The following PCDHA9 variants were observed in gnomAD, a reference collection of about 807,000 sequenced individuals.
The protein encoded by PCDHA9 is protocadherin alpha-9.
A neutral mutation model predicts 62.0 loss-of-function variants in PCDHA9; 62 were observed. That is an observed-to-expected ratio of 1.00 (90% CI 0.81 to 1.23). The LOEUF is 1.23. Among genes scored for constraint, PCDHA9 ranks in the 50% most tolerant of loss-of-function variants. The pLI is 0.00. For synonymous variants in PCDHA9, 557 were observed against 567.6 expected (o/e 0.98, Z 0.27); for missense variants, 1,205 against 1,249.8 (o/e 0.96, Z 0.54).
At position 140,851,036 on chromosome 5, in the gene PCDHA9, T is replaced by A; in HGVS notation, c.2394+147T>A. On this transcript the variant is annotated intron_variant, in intron 1 of 3. Coordinates refer to ENST00000532602, the MANE Select transcript of PCDHA9 (RefSeq NM_031857.2). ...TTCTGATAAAGTAAACCCCTTAACA[T>A]TGGAGCCGACTTTGTCTTGACTTCT... 2 of 1,401,900 alleles carry A rather than the reference T, an allele frequency of 1.4e-6. 1 individual carries two copies. The highest frequency in any genetic ancestry group is 1.9e-6 in the Non-Finnish European group (2 of 1,068,406). The allele number at this position is 1,401,900 out of a possible 1,614,324, so 86.8% of individuals were successfully genotyped here.
At position 140,980,488 on chromosome 5, in the gene PCDHA9, G is replaced by A. The variant is rs372283383; in HGVS notation, c.2453+1481G>A. Among the ~76,000 whole-genome samples, 12 of 152,250 alleles carry A rather than the reference G, an allele frequency of 7.9e-5. No individual in the cohort carries two copies. The East Asian group carries it at 1.9e-3, about 25-fold the overall frequency. Reference sequence around the variant, plus strand: ...CTACTAAAAATACAAAAATTAGCTGGGCGTGATGGCATGTGCCTGTAGTTC... The same window carrying A: ...CTACTAAAAATACAAAAATTAGCTGAGCGTGATGGCATGTGCCTGTAGTTC... On this transcript the variant is annotated intron_variant, in intron 2 of 3. Transcript: ENST00000532602.
At chr5:140,997,572 G>T (rs1457109655) in intron 3 of PCDHA9, among the ~76,000 whole-genome samples, 1 of 152,068 alleles carries the variant, frequency 6.6e-6, no homozygotes, top group Non-Finnish European at 1.5e-5. Context: ...CATATGTGTG[G>T]TCCGTTGTTG....
intron 1 of PCDHA9, among the ~76,000 whole-genome samples, chr5:140,885,108 T>C (rs986059469): frequency 6.6e-6 from 1 of 152,226 alleles, no homozygotes; most frequent in Non-Finnish European, 1.5e-5. Flanking sequence ...AAATGCTTTT[T>C]TTAAGTGCAC....
In PCDHA9 at chr5:140,858,410, T is replaced by C; in HGVS notation, c.2394+7521T>C. ...GGTAGATGTGGACGGGGAAGATCAG[T>C]CTATTGGAGGGGACCACTCTAGGAA... On this transcript the variant is annotated intron_variant, in intron 1 of 3. Transcript: ENST00000532602. 7.7e-6 allele frequency: 12 copies of C among 1,565,560 alleles called. 2 individuals are homozygous for C. The highest frequency in any genetic ancestry group is 1.0e-5 in the Non-Finnish European group (12 of 1,147,708).
intron 3 of PCDHA9, among the ~76,000 whole-genome samples, chr5:140,987,622 TAGATG>T (rs1554249376): frequency 2.6e-5 from 4 of 152,328 alleles, no homozygotes; most frequent in African/African-American, 9.6e-5. Flanking sequence ...TTGGAAGAAT[TAGATG>T]AGATAATGCA....
At chr5:140,938,538 AT>A (rs1278860544) in intron 1 of PCDHA9, among the ~76,000 whole-genome samples, 1 of 135,490 alleles carries the variant, frequency 7.4e-6, no homozygotes, top group Non-Finnish European at 1.6e-5. Context: ...GATAATATGG[AT>A]TTTTATCCTT....
intron 1 of PCDHA9, among the ~76,000 whole-genome samples, chr5:140,969,759 T>C (rs576118722): frequency 1.3e-5 from 2 of 152,338 alleles, no homozygotes; most frequent in African/African-American, 4.8e-5. Flanking sequence ...CTTAAAAAGC[T>C]CTGAGGCCTC....
intron 2 of PCDHA9, among the ~76,000 whole-genome samples, chr5:140,979,246 C>A (rs944063929): frequency 2.0e-5 from 3 of 152,206 alleles, no homozygotes; most frequent in African/African-American, 7.2e-5. Context: ...AAACAGGCTG[C>A]TATGTATTTT....
At chr5:140,981,666 C>CT (rs1430989347) in intron 2 of PCDHA9, among the ~76,000 whole-genome samples, 8 of 152,058 alleles carry the variant, frequency 5.3e-5, no homozygotes, top group Non-Finnish European at 1.0e-4. Flanking sequence ...TTCTTCCTTC[C>CT]TTTCTTCCTT....
At chr5:140,862,736 T>C in intron 1 of PCDHA9, 1 of 575,338 alleles carries the variant, frequency 1.7e-6, no homozygotes, top group South Asian at 1.4e-5. Flanking sequence ...TCTAGCTATG[T>C]GTGGGTGCAC....
rs199714982 is a variant in PCDHA9, at chr5:140,967,252, G to T, written c.2395-11697G>T. On this transcript the variant is annotated intron_variant, in intron 1 of 3. Coordinates refer to ENST00000532602, the MANE Select transcript of PCDHA9 (RefSeq NM_031857.2). ...AGCTTCAGGTAAGCGAATCGGTGGC[G>T]CCTGGAGCGCGCTTTCACATAGAGA... 6.0e-5 allele frequency: 97 copies of T among 1,613,386 alleles called. 1 individual carries two copies. Among genetic ancestry groups the T allele is most frequent in the Non-Finnish European group, 8.0e-5 (94 of 1,179,870 alleles).
intron 1 of PCDHA9, among the ~76,000 whole-genome samples, chr5:140,871,869 T>C (rs1230282991): frequency 6.6e-6 from 1 of 152,230 alleles, no homozygotes; most frequent in Non-Finnish European, 1.5e-5. Context: ...TATGGATTAT[T>C]TAAATTTGCT....
chr5:140,951,021 G>A (rs960559037), intron 1 of PCDHA9, among the ~76,000 whole-genome samples: 1 of 151,932 alleles, frequency 6.6e-6, no homozygotes, highest in Non-Finnish European at 1.5e-5. Context: ...CAGGCAGTGA[G>A]TTTTAATTTC....
chr5:140,981,042 C>A (rs782145088), intron 2 of PCDHA9, among the ~76,000 whole-genome samples: 22 of 151,970 alleles, frequency 1.4e-4, no homozygotes, highest in Non-Finnish European at 2.9e-4. Flanking sequence ...GGAAAAAAAA[C>A]AGATAATTCT....
chr5:140,971,805 T>C (rs938421537), intron 1 of PCDHA9, among the ~76,000 whole-genome samples: 1 of 152,166 alleles, frequency 6.6e-6, no homozygotes, highest in Non-Finnish European at 1.5e-5. Flanking sequence ...AATATTATAA[T>C]ATTGAATACA....
chr5:140,908,756 C>A (rs2074138062), intron 1 of PCDHA9, among the ~76,000 whole-genome samples: 1 of 152,106 alleles, frequency 6.6e-6, no homozygotes, highest in Non-Finnish European at 1.5e-5. Flanking sequence ...TTGCACACAG[C>A]CTGGACGTGT....
At chr5:140,877,853 AT>A in intron 1 of PCDHA9, 2 of 1,535,524 alleles carry the variant, frequency 1.3e-6, no homozygotes, top group Non-Finnish European at 1.7e-6. Context: ...AGTTATTAAT[AT>A]TATTTAGATA....
At chr5:140,985,832 C>T (rs760290757) in intron 3 of PCDHA9, among the ~76,000 whole-genome samples, 4 of 151,378 alleles carry the variant, frequency 2.6e-5, no homozygotes, top group African/African-American at 4.9e-5. Flanking sequence ...CTCTGCCTCC[C>T]GGGTTCATGC....
intron 3 of PCDHA9, among the ~76,000 whole-genome samples, chr5:141,000,842 G>A (rs2097967739): frequency 1.3e-5 from 2 of 151,954 alleles, no homozygotes; most frequent in Non-Finnish European, 2.9e-5. Flanking sequence ...AGGAGATCCA[G>A]TCTGGCAGTC....
Sources: gnomAD v4.1 joint callset for allele counts (sites outside exome capture counted in the v4.1 genomes callset) on GRCh38, gnomAD v4.1.1 for gene constraint, MANE v1.5 for transcripts, NCBI Gene and HGNC (gene_info 2026-07-23, HGNC 2026-07-21) for gene names.